Variants in RNF216 observed in about 807,000 individuals in gnomAD.
RNF216 encodes ring finger protein 216, also known as E3 ubiquitin-protein ligase RNF216.
A neutral mutation model predicts 110.8 loss-of-function variants in RNF216; 72 were observed. The ratio of observed to expected loss-of-function variants is 0.65; its 90% CI spans 0.54 to 0.79. RNF216 has a LOEUF of 0.79. RNF216 is among the 30% of genes least tolerant of loss of function. RNF216 has a pLI of 0.00. For missense variants in RNF216, 1,342 were observed against 1,141.2 expected, an observed-to-expected ratio of 1.18 and a Z score of -2.54; for synonymous variants, 495 against 407.5, an observed-to-expected ratio of 1.21 and a Z score of -2.59.
At chr7:5,750,665 G>C (rs188968499) in intron 3 of RNF216, among the ~76,000 whole-genome samples, 17 of 152,298 alleles carry the variant, frequency 1.1e-4, no homozygotes, top group Admixed American at 6.5e-4. Flanking sequence ...GAGTTCACTA[G>C]GATGGCCAAT....
At chr7:5,740,936 T>C (rs1012939057) in intron 4 of RNF216, 37 bp downstream of exon 4, 1 of 1,536,912 alleles carries the variant, frequency 6.5e-7, no homozygotes, top group Non-Finnish European at 8.7e-7. Flanking sequence ...ACTCAGTATA[T>C]GTAGTGTCTA....
intron 3 of RNF216, among the ~76,000 whole-genome samples, chr7:5,746,993 T>G (rs2128658876): frequency 6.6e-6 from 1 of 152,228 alleles, no homozygotes; most frequent in African/African-American, 2.4e-5. Flanking sequence ...AATGAAAAAC[T>G]AGAAACGCAA....
chr7:5,755,528 C>A (rs1443249818), intron 2 of RNF216, among the ~76,000 whole-genome samples: 2 of 152,184 alleles, frequency 1.3e-5, no homozygotes, highest in African/African-American at 4.8e-5. Context: ...TCTCCTTCGT[C>A]CTCAAAGGGA....
chr7:5,764,064 GC>G (rs1368583395), intron 1 of RNF216, among the ~76,000 whole-genome samples: 1 of 151,772 alleles, frequency 6.6e-6, no homozygotes, highest in East Asian at 2.0e-4. Flanking sequence ...GGTGGCAGGT[GC>G]CTGTAATCCC....
chr7:5,666,873 C>CAGTG (rs1266612790), intron 13 of RNF216, among the ~76,000 whole-genome samples: 43 of 146,366 alleles, frequency 2.9e-4, no homozygotes, highest in African/African-American at 1.1e-3. Context: ...GGGGTGCAGT[C>CAGTG]AGTGGTGCCA....
At position 5,624,179 on chromosome 7, in the gene RNF216, C is replaced by G; in HGVS notation, c.2383-54G>C. 2 of 1,497,884 alleles carry G rather than the reference C, an allele frequency of 1.3e-6. No homozygotes were observed. The highest frequency in any genetic ancestry group is 4.5e-5 in the East Asian group (2 of 44,208). 92.8% of individuals were successfully genotyped at this position (1,497,884 alleles called of 1,614,324 possible). On this transcript the variant is annotated intron_variant, in intron 15 of 16. Coordinates refer to ENST00000389902, the MANE Select transcript of RNF216 (RefSeq NM_207111.4). This position sits in a 1 kb window ranked among gnomAD's most constrained non-coding sequence, Gnocchi z 4.4. ...CCTGTAGCTTCATGCAGTGCTGAGG[C>G]CCCGTGGGACAGTGAGGAGGCCGCT...
intron 5 of RNF216, among the ~76,000 whole-genome samples, chr7:5,735,674 G>C (rs145053953): frequency 0.019 from 2,913 of 152,262 alleles, 43 homozygotes; most frequent in Non-Finnish European, 0.03. Context: ...TGTGGGAGAA[G>C]AGTTACAGAA....
intron 14 of RNF216, among the ~76,000 whole-genome samples, chr7:5,648,219 G>C (rs1788166969): frequency 6.6e-6 from 1 of 151,358 alleles, no homozygotes. Context: ...TGATTCTCTT[G>C]CCTCAGCCTC....
chr7:5,685,301 C>T (rs1355361035), intron 13 of RNF216, among the ~76,000 whole-genome samples: 1 of 152,166 alleles, frequency 6.6e-6, no homozygotes, highest in African/African-American at 2.4e-5. Flanking sequence ...TCTCCTCCAT[C>T]TTCAGAATTC....
intron 13 of RNF216, among the ~76,000 whole-genome samples, chr7:5,682,304 A>ACACC (rs1283364923): frequency 6.6e-5 from 10 of 152,224 alleles, no homozygotes; most frequent in Admixed American, 4.6e-4. Flanking sequence ...GGTTACCCTC[A>ACACC]CACCCGTCCC....
chr7:5,715,264 T>G, intron 10 of RNF216, 74 bp from the exon 11 acceptor site: 2 of 1,478,746 alleles, frequency 1.4e-6, no homozygotes, highest in South Asian at 2.4e-5. Flanking sequence ...CCCATCCTCA[T>G]CTCTCTGCCA....
At chr7:5,758,299 C>G (rs546591207) in intron 2 of RNF216, among the ~76,000 whole-genome samples, 15 of 152,244 alleles carry the variant, frequency 9.9e-5, no homozygotes, top group African/African-American at 3.6e-4. Context: ...CAATCACTAC[C>G]AAGTTAGAAT....
At chr7:5,669,459 T>G (rs1789754813) in intron 13 of RNF216, among the ~76,000 whole-genome samples, 1 of 152,182 alleles carries the variant, frequency 6.6e-6, no homozygotes, top group African/African-American at 2.4e-5. Context: ...CACTCCATCT[T>G]GCCTCAAGTG....
At chr7:5,662,204 T>C (rs1417322494) in intron 13 of RNF216, among the ~76,000 whole-genome samples, 2 of 152,164 alleles carry the variant, frequency 1.3e-5, no homozygotes, top group East Asian at 3.9e-4. Context: ...TACCCTTTCT[T>C]ACTGGTAACG....
rs1364799651 is a variant in RNF216, at chr7:5,736,119, CCCTG to C, written c.1121+3153_1121+3156del. Among the ~76,000 whole-genome samples, 3 of 7,436 alleles carry C rather than the reference CCCTG, an allele frequency of 4.0e-4. No homozygotes were observed. The East Asian group carries it at 0.043, about 106-fold the overall frequency. 4.9% of individuals were successfully genotyped at this position (7,436 alleles called of 152,430 possible). A position where few individuals can be genotyped will look rare whatever the true frequency, so the allele number is the denominator to read the frequency against. ...AAAATAAATAAATAGCTCTCCCTCTCCCTGTCCCTGTCCCTGTCCCTCTCCCCAC... is the reference window on the plus strand; with the variant it reads ...AAAATAAATAAATAGCTCTCCCTCTCTCCCTGTCCCTGTCCCTCTCCCCAC... On this transcript the variant is annotated intron_variant, in intron 5 of 16. Coordinates refer to ENST00000389902, the MANE Select transcript of RNF216 (RefSeq NM_207111.4).
At position 5,723,042 on chromosome 7, in the gene RNF216, C is replaced by A. The variant is rs190046835; in HGVS notation, c.1505-1870G>T. 6.9e-4 allele frequency among the ~76,000 whole-genome samples: 105 copies of A among 152,260 alleles called. No homozygotes were observed. The East Asian group carries it at 8.3e-3, about 12-fold the overall frequency. ...ACAGTAAGCTTTGAAGCCAGATTCC[C>A]AGCTGGGCTACTCGCTAGCTGTGTA... On this transcript the variant is annotated intron_variant, in intron 8 of 16. Coordinates refer to ENST00000389902, the MANE Select transcript of RNF216 (RefSeq NM_207111.4).
intron 1 of RNF216, among the ~76,000 whole-genome samples, chr7:5,777,795 G>A (rs751439306): frequency 6.6e-6 from 1 of 152,162 alleles, no homozygotes; most frequent in African/African-American, 2.4e-5. Context: ...TATTATCTGT[G>A]TATTTTTACA....
Position 5,660,265 on chromosome 7 carries a change from C to CTTTTTTTTTTTTTTTTTTT in RNF216, c.2062-7774_2062-7756dup, listed in dbSNP as rs66617363. ...ACAGAGCCCGGCCCTGTTTTAAATT[C>CTTTTTTTTTTTTTTTTTTT]TTTTTTTTTTTTTTTTTTTTTTTTT... On this transcript the variant is annotated intron_variant, in intron 13 of 16. Transcript: ENST00000389902. 5.9e-5 allele frequency among the ~76,000 whole-genome samples: 2 copies of CTTTTTTTTTTTTTTTTTTT among 33,652 alleles called. 1 individual carries two copies. The highest frequency in any genetic ancestry group is 1.2e-4 in the Non-Finnish European group (2 of 16,338). The allele number at this position is 33,652 out of a possible 152,430, so 22.1% of individuals were successfully genotyped here.
chr7:5,652,351 A>C, intron 14 of RNF216, 62 bp downstream of exon 14: 1 of 1,217,598 alleles, frequency 8.2e-7, no homozygotes, highest in South Asian at 1.2e-5. Flanking sequence ...CTCTCTACCA[A>C]AAAGCAGGTT....
Sources: allele counts gnomAD v4.1 joint callset (sites outside exome capture counted in the v4.1 genomes callset), GRCh38; gene constraint gnomAD v4.1.1; non-coding constraint Gnocchi (gnomAD v3.1); transcripts MANE v1.5; gene names NCBI Gene and HGNC (gene_info 2026-07-23, HGNC 2026-07-21).